The following USP32 variants were observed in gnomAD, a reference collection of about 807,000 sequenced individuals.
The protein encoded by USP32 is ubiquitin specific peptidase 32.
USP32 carries 59 observed loss-of-function variants against 204.8 expected under a neutral mutation model. The ratio of observed to expected loss-of-function variants is 0.29; its 90% CI spans 0.23 to 0.36. The LOEUF (loss-of-function observed/expected upper bound fraction) is 0.36, where lower values mean the gene tolerates loss of function less well. Ranked by LOEUF, USP32 falls within the 10% of genes least tolerant of loss-of-function variation. The probability of loss-of-function intolerance (pLI) is 1.00; values close to 1 mark genes in which losing one functional copy is unlikely to be tolerated. For missense variants in USP32, 1,160 were observed against 1,946.4 expected (o/e 0.60, Z 7.60); for synonymous variants, 517 against 678.4 (o/e 0.76, Z 3.70).
At position 60,185,523 on chromosome 17, in the gene USP32, G is replaced by C. The variant is rs1349972857; in HGVS notation, c.3771C>G (p.Ser1257=). The change falls in exon 30 of 34, where the codon TCC becomes TCG. Residue 1257 remains serine, a synonymous_variant. Transcript: ENST00000300896. ...ELGENEMYYC[S]KCKTHCLATK... is the part of the protein sequence containing the mutation. ...TTGCTAAGCAGTGGGTCTTACACTT[G>C]GAACAGTAGTACATCTCATTTTCCC... is the stretch of plus-strand genomic sequence containing the variant. The C allele has an allele frequency of 1.2e-6, 2 of 1,611,940 alleles. No homozygotes were observed. Among genetic ancestry groups the C allele is most frequent in the South Asian group, 2.2e-5 (2 of 90,988 alleles).
chr17:60,236,250 C>T lies in USP32; in HGVS notation c.1137-10G>A. ...TCGTTCTAACCATCCTCTGTATGTACAAAAGAAATTAAATACATCAAACAA... is the reference window on the plus strand; with the variant it reads ...TCGTTCTAACCATCCTCTGTATGTATAAAAGAAATTAAATACATCAAACAA... On this transcript the variant is annotated splice_polypyrimidine_tract_variant and intron_variant, in intron 11 of 33. Coordinates refer to ENST00000300896, the MANE Select transcript of USP32 (RefSeq NM_032582.4). 6.2e-7 allele frequency: 1 copy of T among 1,606,976 alleles called. No individual in the cohort carries two copies. The highest frequency in any genetic ancestry group is 1.1e-5 in the South Asian group (1 of 90,256).
chr17:60,270,119 C>T (rs2086690138), intron 6 of USP32, among the ~76,000 whole-genome samples: 1 of 152,004 alleles, frequency 6.6e-6, no homozygotes, highest in Non-Finnish European at 1.5e-5. Context: ...TTAAATTTCA[C>T]AAAGGGAATT....
Position 60,406,264 on chromosome 17 carries a change from C to T in USP32, c.106+15982G>A, listed in dbSNP as rs576142939. Among the ~76,000 whole-genome samples, 263 of 152,130 alleles carry T rather than the reference C, an allele frequency of 1.7e-3. 2 individuals carry two copies. The highest frequency in any genetic ancestry group is 6.8e-3 in the Middle Eastern group (2 of 292). The stretch of plus-strand genomic sequence containing the variant: ...GACCATCTCAGCTCACTGCAACCTC[C>T]GCCTCCTGGGTTCAAGCGATTCTCC... On this transcript the variant is annotated intron_variant, in intron 1 of 3. Transcript: ENST00000588898.
chr17:60,203,792 G>A (rs996565078), intron 26 of USP32, among the ~76,000 whole-genome samples: 9 of 152,138 alleles, frequency 5.9e-5, no homozygotes, highest in African/African-American at 2.2e-4. Flanking sequence ...GGCCAGGCTG[G>A]TCTCGAACTC....
chr17:60,388,800 A>G (rs2089778306), intron 1 of USP32, among the ~76,000 whole-genome samples: 1 of 152,254 alleles, frequency 6.6e-6, no homozygotes, highest in South Asian at 2.1e-4. Context: ...TAGCTAAAAT[A>G]GTGTGCAAAA....
chr17:60,192,688 G>A (rs1463756915), intron 28 of USP32, among the ~76,000 whole-genome samples, 156 bp downstream of exon 28: 1 of 152,182 alleles, frequency 6.6e-6, no homozygotes, highest in African/African-American at 2.4e-5. Flanking sequence ...GCTTCCCAAA[G>A]TGATGGGAAT....
intron 2 of USP32, 126 bp from the exon 3 acceptor site, chr17:60,301,830 C>T (rs2087584609): frequency 3.0e-6 from 2 of 660,786 alleles, no homozygotes; most frequent in Non-Finnish European, 5.2e-6. Flanking sequence ...TTAGTGAAAT[C>T]ATGTTAAGTT....
Position 60,180,480 on chromosome 17 carries a change from CA to C in USP32, c.4641+64del, listed in dbSNP as rs2084079278. The C allele has an allele frequency of 7.2e-6, 11 of 1,526,280 alleles. No individual in the cohort carries two copies. In the East Asian group the frequency reaches 2.5e-4, roughly 35 times the overall value. 94.5% of individuals were successfully genotyped at this position (1,526,280 alleles called of 1,614,324 possible). A position where few individuals can be genotyped will look rare whatever the true frequency, so the allele number is the denominator to read the frequency against. On this transcript the variant is annotated intron_variant, in intron 33 of 33. Transcript: ENST00000300896. ...TTCAAGAGATAGTCCATTATTTCAA[CA>C]AATGTTCCCCAGTTCTGTTGATATT... is the stretch of plus-strand genomic sequence containing the variant.
chr17:60,356,284 T>C (rs1453859494), intron 1 of USP32, among the ~76,000 whole-genome samples: 1 of 152,148 alleles, frequency 6.6e-6, no homozygotes, highest in Non-Finnish European at 1.5e-5. Flanking sequence ...AAGGAAAACC[T>C]GGAAAACAGC....
At position 60,190,027 on chromosome 17, in the gene USP32, C is replaced by T. The variant is rs148606122; in HGVS notation, c.3642+536G>A. On this transcript the variant is annotated intron_variant, in intron 29 of 33. Coordinates refer to ENST00000300896, the MANE Select transcript of USP32 (RefSeq NM_032582.4). ...GGCGTTGTTAGGAGGTGGGGCCTAG[C>T]AGGAGGTGTTTGGGTCATAGGGGTG... Among the ~76,000 whole-genome samples, 203 of 152,272 alleles carry T rather than the reference C, an allele frequency of 1.3e-3. 1 individual carries two copies. The highest frequency in any genetic ancestry group is 4.6e-3 in the African/African-American group (190 of 41,552).
intron 1 of USP32, among the ~76,000 whole-genome samples, chr17:60,403,855 CAT>C (rs1489164383): frequency 6.6e-6 from 1 of 151,968 alleles, no homozygotes; most frequent in Non-Finnish European, 1.5e-5. Context: ...GTCTGGGTAA[CAT>C]AGTGAGACTC....
intron 5 of USP32, among the ~76,000 whole-genome samples, chr17:60,285,485 C>A (rs2087087846): frequency 6.6e-6 from 1 of 152,086 alleles, no homozygotes; most frequent in Admixed American, 6.5e-5. Flanking sequence ...ACTTGACACC[C>A]AAATTCCTCT....
Position 60,269,577 on chromosome 17 carries a change from G to T in USP32, c.704-20C>A. On this transcript the variant is annotated intron_variant, in intron 6 of 33. Transcript: ENST00000300896. ...ACAAACCTGTAAAATAGGAAGAGAT[G>T]CCATAAATCACAGCCAAGCTTCCTA... The T allele has an allele frequency of 6.4e-7, 1 of 1,563,692 alleles. No homozygotes were observed. Among genetic ancestry groups the T allele is most frequent in the South Asian group, 1.2e-5 (1 of 85,464 alleles).
At chr17:60,278,210 T>A (rs758420893) in intron 5 of USP32, among the ~76,000 whole-genome samples, 35 of 152,050 alleles carry the variant, frequency 2.3e-4, no homozygotes, top group Non-Finnish European at 4.1e-4. Flanking sequence ...AGACAATAAA[T>A]AAAAATTTTA....
chr17:60,281,831 T>C (rs1052181587), intron 5 of USP32, among the ~76,000 whole-genome samples: 1 of 152,194 alleles, frequency 6.6e-6, no homozygotes, highest in African/African-American at 2.4e-5. Context: ...CCTGGAGGTC[T>C]GTAAAGTACA....
chr17:60,269,601 T>C (rs1169101835), intron 6 of USP32, 44 bp from the exon 7 acceptor site: 5 of 1,442,832 alleles, frequency 3.5e-6, no homozygotes, highest in Non-Finnish European at 4.7e-6. Flanking sequence ...CCAAGCTTCC[T>C]AATGTTAATA....
intron 2 of USP32, among the ~76,000 whole-genome samples, chr17:60,340,141 T>G (rs1471212549): frequency 2.6e-5 from 4 of 152,216 alleles, no homozygotes; most frequent in Admixed American, 6.5e-5. Context: ...AAGGGTCATA[T>G]GCACTGACCC....
At chr17:60,392,315 C>CGGA, upstream of USP32, 2 of 324,506 alleles carry the variant, frequency 6.2e-6, no homozygotes, top group South Asian at 6.1e-5. Context: ...CAGGGCCGCA[C>CGGA]GCTCCGCCCC....
At chr17:60,228,838 T>G (rs2085469626) in intron 12 of USP32, among the ~76,000 whole-genome samples, 1 of 149,322 alleles carries the variant, frequency 6.7e-6, no homozygotes, top group African/African-American at 2.4e-5. Flanking sequence ...TTGTTTTTGT[T>G]TTTTTTTTTG....
Sources: allele counts gnomAD v4.1 joint callset (sites outside exome capture counted in the v4.1 genomes callset), GRCh38; gene constraint gnomAD v4.1.1; transcripts MANE v1.5; gene names NCBI Gene and HGNC (gene_info 2026-07-23, HGNC 2026-07-21).